Variants in ERG observed in about 807,000 individuals in gnomAD.
ERG encodes ETS transcription factor ERG, also known as transcriptional regulator ERG.
ERG carries 9 observed loss-of-function variants against 55.3 expected under a neutral mutation model. The observed-to-expected ratio is 0.16, with a 90% confidence interval of 0.10 to 0.28. ERG has a LOEUF of 0.28. ERG is among the 10% of genes least tolerant of loss of function. ERG has a pLI of 1.00. For missense variants in ERG, 434 were observed against 631.6 expected (o/e 0.69, Z 3.35); for synonymous variants, 223 against 237.3 (o/e 0.94, Z 0.55).
chr21:38,637,445 C>T (rs1170170770), intron 1 of ERG, among the ~76,000 whole-genome samples: 5 of 152,098 alleles, frequency 3.3e-5, no homozygotes, highest in African/African-American at 1.2e-4. Context: ...TGAGTGATCA[C>T]GTTGGAATTA....
Position 38,383,601 on chromosome 21 carries a change from G to A in ERG, c.1242C>T (p.Asp414=), listed in dbSNP as rs1191099816. ...CGTGATAGGAGCCCATGTACGGGAG[G>A]TCTGAGGGGTACTTGTACAGAGATG... ...PESSLYKYPS[D]LPYMGSYHAH... is the part of the protein sequence containing the mutation. The change falls in exon 10 of 10, where the codon GAC becomes GAT. Residue 414 remains aspartate, a synonymous_variant. Transcript: ENST00000288319. This position sits in a 1 kb window ranked among gnomAD's most constrained non-coding sequence, Gnocchi z 5.7. 2 of 1,613,616 alleles carry A rather than the reference G, an allele frequency of 1.2e-6. No homozygotes were observed. Among genetic ancestry groups the A allele is most frequent in the Non-Finnish European group, 1.7e-6 (2 of 1,179,698 alleles).
chr21:38,423,359 C>A, intron 3 of ERG, 51 bp downstream of exon 3: 1 of 1,574,182 alleles, frequency 6.4e-7, no homozygotes, highest in East Asian at 2.2e-5. Context: ...CTCAGCCTAG[C>A]CTTGGGGAAG....
chr21:38,476,631 A>G (rs1344266006), intron 1 of ERG, among the ~76,000 whole-genome samples: 1 of 152,168 alleles, frequency 6.6e-6, no homozygotes. Context: ...AACTGCTTAA[A>G]CTGGAGAGCA....
intron 1 of ERG, among the ~76,000 whole-genome samples, chr21:38,611,294 C>T (rs1296394499): frequency 2.0e-5 from 3 of 152,190 alleles, no homozygotes; most frequent in South Asian, 2.1e-4. Context: ...CCAGCAAGAT[C>T]TCCCGAAAAC....
chr21:38,523,883 T>C (rs1193202987), intron 2 of ERG, among the ~76,000 whole-genome samples: 1 of 152,204 alleles, frequency 6.6e-6, no homozygotes, highest in Non-Finnish European at 1.5e-5. Flanking sequence ...TCAGAATACA[T>C]GTCTGGCTCT....
intron 9 of ERG, among the ~76,000 whole-genome samples, chr21:38,386,284 G>A (rs945147340): frequency 1.3e-5 from 2 of 152,174 alleles, no homozygotes; most frequent in Non-Finnish European, 2.9e-5. Context: ...AGAACTGTAA[G>A]CAAAATTCAT....
At chr21:38,398,946 C>T (rs905046095) in intron 6 of ERG, among the ~76,000 whole-genome samples, 5 of 152,156 alleles carry the variant, frequency 3.3e-5, no homozygotes, top group African/African-American at 1.2e-4. Context: ...TTTTAAAACC[C>T]TAGCCAAATG....
chr21:38,476,391 T>C (rs2059187708), intron 1 of ERG, among the ~76,000 whole-genome samples: 1 of 152,158 alleles, frequency 6.6e-6, no homozygotes, highest in Non-Finnish European at 1.5e-5. Context: ...TGGCTCTTCG[T>C]AACACCAGCG....
rs1224176114 is a variant in ERG at position 38,423,671 on chromosome 21, G to A, written c.237-110C>T. On this transcript the variant is annotated intron_variant, in intron 2 of 9. Coordinates refer to ENST00000288319, the MANE Select transcript of ERG (RefSeq NM_182918.4). ...AAAGAAGGGCAAGGCGGAAGAGACTGGGGGAGAAAGGACAAGTGTGAAAAG... is the reference window on the plus strand; with the variant it reads ...AAAGAAGGGCAAGGCGGAAGAGACTAGGGGAGAAAGGACAAGTGTGAAAAG... 6.0e-6 allele frequency: 7 copies of A among 1,175,594 alleles called. No homozygotes were observed. In the East Asian group the frequency reaches 1.2e-4, roughly 20 times the overall value. The allele number at this position is 1,175,594 out of a possible 1,614,324, so 72.8% of individuals were successfully genotyped here.
chr21:38,423,327 G>A lies in ERG; in HGVS notation c.388+83C>T, dbSNP rs188282799. ...AGGAGATGTGATCAATGCCACAGGT[G>A]GGGGAGAAGAGCTCCCTGAGGCTCA... On this transcript the variant is annotated intron_variant, in intron 3 of 9. Coordinates refer to ENST00000288319, the MANE Select transcript of ERG (RefSeq NM_182918.4). 34 of 1,415,062 alleles carry A rather than the reference G, an allele frequency of 2.4e-5. No individual in the cohort carries two copies. The East Asian group carries it at 5.8e-4, about 24-fold the overall frequency. 87.7% of individuals were successfully genotyped at this position (1,415,062 alleles called of 1,614,324 possible).
intron 2 of ERG, among the ~76,000 whole-genome samples, chr21:38,562,379 C>A (rs2059898064): frequency 6.6e-6 from 1 of 152,104 alleles, no homozygotes. Flanking sequence ...TGGGTCATGA[C>A]CTGTAGTTTG....
intron 2 of ERG, among the ~76,000 whole-genome samples, chr21:38,507,845 A>C (rs1024229158): frequency 6.6e-6 from 1 of 152,066 alleles, no homozygotes; most frequent in African/African-American, 2.4e-5. Flanking sequence ...GCCCAGCATC[A>C]GTGCCTTCAT....
intron 2 of ERG, among the ~76,000 whole-genome samples, chr21:38,437,002 C>T (rs1228395890): frequency 2.0e-5 from 3 of 151,456 alleles, no homozygotes; most frequent in Admixed American, 1.3e-4. Context: ...ATTCTCCTGT[C>T]TCAGCCTCCT....
At chr21:38,526,479 A>G (rs1256355011) in intron 2 of ERG, among the ~76,000 whole-genome samples, 1 of 152,238 alleles carries the variant, frequency 6.6e-6, no homozygotes, top group Non-Finnish European at 1.5e-5. Context: ...CTGCATCATG[A>G]TAGAGAACGA....
intron 1 of ERG, among the ~76,000 whole-genome samples, chr21:38,465,249 G>A (rs192070413): frequency 2.0e-5 from 3 of 152,280 alleles, no homozygotes; most frequent in Non-Finnish European, 2.9e-5. Flanking sequence ...CATGAAAAGA[G>A]ATGGGCACAG....
At chr21:38,459,952 A>G (rs1425073967) in intron 1 of ERG, among the ~76,000 whole-genome samples, 1 of 152,200 alleles carries the variant, frequency 6.6e-6, no homozygotes, top group African/African-American at 2.4e-5. Context: ...GCCTGATCTC[A>G]GGGTTAGAAG....
intron 1 of ERG, among the ~76,000 whole-genome samples, chr21:38,658,113 A>C (rs1365012380): frequency 6.6e-6 from 1 of 152,196 alleles, no homozygotes; most frequent in Non-Finnish European, 1.5e-5. Flanking sequence ...AACCTTACAC[A>C]CTGGGGAAGG....
chr21:38,377,227 T>C (rs1441049723), downstream of ERG, among the ~76,000 whole-genome samples: 1 of 152,260 alleles, frequency 6.6e-6, no homozygotes. Flanking sequence ...CTATTATTAT[T>C]ATCAAAAGTA....
chr21:38,441,652 T>C (rs963443411), intron 2 of ERG, among the ~76,000 whole-genome samples: 6 of 152,232 alleles, frequency 3.9e-5, no homozygotes, highest in Non-Finnish European at 8.8e-5. Flanking sequence ...CTTTCTCTTC[T>C]ACAAAGGGGA....
Sources: allele counts gnomAD v4.1 joint callset (sites outside exome capture counted in the v4.1 genomes callset), GRCh38; gene constraint gnomAD v4.1.1; non-coding constraint Gnocchi (gnomAD v3.1); transcripts MANE v1.5; gene names NCBI Gene and HGNC (gene_info 2026-07-23, HGNC 2026-07-21).